The following UBXN7 variants were observed in gnomAD, a reference collection of about 807,000 sequenced individuals.
UBXN7 encodes the protein UBX domain-containing protein 7.
In UBXN7, 9 loss-of-function variants were observed where a neutral mutation model predicts 58.0. The observed-to-expected ratio is 0.16, with a 90% CI of 0.09 to 0.27. The LOEUF is 0.27. Among genes scored for constraint, UBXN7 ranks in the 10% least tolerant of loss-of-function variants. The pLI, the probability that UBXN7 is intolerant of heterozygous loss-of-function variation, is 1.00. For synonymous variants in UBXN7, 208 were observed against 205.0 expected (o/e 1.01, Z -0.12); for missense variants, 328 against 599.6 (o/e 0.55, Z 4.73).
At chr3:196,375,579 A>G (rs558408071) in intron 5 of UBXN7, among the ~76,000 whole-genome samples, 26 of 152,206 alleles carry the variant, frequency 1.7e-4, no homozygotes, top group Non-Finnish European at 3.7e-4. Flanking sequence ...TAATCTCCTC[A>G]TGGAAGATTA....
intron 5 of UBXN7, among the ~76,000 whole-genome samples, chr3:196,381,254 G>T (rs142216724): frequency 6.6e-6 from 1 of 152,154 alleles, no homozygotes; most frequent in Non-Finnish European, 1.5e-5. Context: ...TCATACAGGC[G>T]GCTGCCCCTC....
chr3:196,421,358 T>A (rs1730677189), intron 1 of UBXN7, among the ~76,000 whole-genome samples: 1 of 152,234 alleles, frequency 6.6e-6, no homozygotes, highest in Non-Finnish European at 1.5e-5. Context: ...TATCTCTTAC[T>A]AGTCTGTGAC....
chr3:196,390,821 C>G (rs1053260691), intron 5 of UBXN7, among the ~76,000 whole-genome samples: 6 of 151,612 alleles, frequency 4.0e-5, no homozygotes, highest in African/African-American at 1.5e-4. Flanking sequence ...ACATGTTAAT[C>G]AACACGAAAA....
chr3:196,382,717 C>G (rs1729243854), intron 5 of UBXN7, among the ~76,000 whole-genome samples: 1 of 152,116 alleles, frequency 6.6e-6, no homozygotes, highest in Admixed American at 6.5e-5. Flanking sequence ...AGTTAAGACC[C>G]ATCAGTGTGC....
chr3:196,398,150 C>A (rs1429756445), intron 3 of UBXN7, among the ~76,000 whole-genome samples: 1 of 152,170 alleles, frequency 6.6e-6, no homozygotes, highest in African/African-American at 2.4e-5. Context: ...AGAATGGATG[C>A]CCCCAGGCAA....
chr3:196,361,949 A>C (rs753017615), intron 9 of UBXN7, 26 bp from the exon 10 acceptor site: 6 of 1,597,022 alleles, frequency 3.8e-6, no homozygotes, highest in Non-Finnish European at 2.6e-6. Context: ...AAAAAAAAAA[A>C]AAAAACGGGA....
intron 1 of UBXN7, among the ~76,000 whole-genome samples, chr3:196,429,165 A>C (rs1730942733): frequency 6.6e-6 from 1 of 152,108 alleles, no homozygotes; most frequent in African/African-American, 2.4e-5. Context: ...GTCTCTACTA[A>C]AAATACAAAA....
chr3:196,385,485 G>A lies in UBXN7; in HGVS notation c.468+6328C>T, dbSNP rs540642997. Among the ~76,000 whole-genome samples the A allele has an allele frequency of 1.5e-4, 22 of 150,850 alleles. No individual in the cohort carries two copies. In the South Asian group the frequency reaches 1.9e-3, roughly 13 times the overall value. ...TCATCCCATCTAGGAAGTGAGGAGCGTCTCTGCCCAGCCACCCATCGTCTG... is the reference window on the plus strand; with the variant it reads ...TCATCCCATCTAGGAAGTGAGGAGCATCTCTGCCCAGCCACCCATCGTCTG... On this transcript the variant is annotated intron_variant, in intron 5 of 10. Coordinates refer to ENST00000296328, the MANE Select transcript of UBXN7 (RefSeq NM_015562.2).
chr3:196,420,946 A>G (rs1418100665), intron 1 of UBXN7, among the ~76,000 whole-genome samples: 1 of 152,184 alleles, frequency 6.6e-6, no homozygotes, highest in Non-Finnish European at 1.5e-5. Flanking sequence ...ATCCCTCTAT[A>G]GAAATGATAG....
Position 196,352,964 on chromosome 3 carries a change from C to T in UBXN7, c.*3721G>A, listed in dbSNP as rs952318916. 2.6e-5 allele frequency: 4 copies of T among 152,144 alleles called. No individual in the cohort carries two copies. In the South Asian group the frequency reaches 6.2e-4, roughly 24 times the overall value. The allele number at this position is 152,144 out of a possible 1,614,324, so 9.4% of individuals were successfully genotyped here. ...CATTTATTCTTGGCAAATAATGCCA[C>T]GTGGCAATTTTACTTTCACATCTTC... On this transcript the variant is annotated 3_prime_UTR_variant, in exon 11 of 11. Transcript: ENST00000296328. The surrounding 1 kb of genome is among the most constrained non-coding windows in gnomAD (Gnocchi z 4.1).
In UBXN7 at chr3:196,393,924, T is replaced by C. The variant is rs527773965; in HGVS notation, c.290-305A>G. ...GTATAATTAATCCAAACATCTTCCATCCAGTCATCTTGTATTACAAATGAG... is the reference window on the plus strand; with the variant it reads ...GTATAATTAATCCAAACATCTTCCACCCAGTCATCTTGTATTACAAATGAG... On this transcript the variant is annotated intron_variant, in intron 3 of 10. Coordinates refer to ENST00000296328, the MANE Select transcript of UBXN7 (RefSeq NM_015562.2). 10 of 186,054 alleles carry C rather than the reference T, an allele frequency of 5.4e-5. No individual in the cohort carries two copies. The East Asian group carries it at 1.1e-3, about 20-fold the overall frequency. 11.5% of individuals were successfully genotyped at this position (186,054 alleles called of 1,614,324 possible). A position where few individuals can be genotyped will look rare whatever the true frequency, so the allele number is the denominator to read the frequency against.
At chr3:196,364,144 A>C (rs970879010) in intron 8 of UBXN7, among the ~76,000 whole-genome samples, 1 of 152,196 alleles carries the variant, frequency 6.6e-6, no homozygotes, top group African/African-American at 2.4e-5. Context: ...AGAAATGCAA[A>C]CTTCTACAGT....
chr3:196,431,396 G>A (rs1731042065), intron 1 of UBXN7: 1 of 152,400 alleles, frequency 6.6e-6, no homozygotes, highest in South Asian at 2.0e-4. Context: ...AGAGAAACAA[G>A]ACAGAGAGAA....
intron 1 of UBXN7, among the ~76,000 whole-genome samples, chr3:196,422,898 C>T (rs1049113488): frequency 6.6e-6 from 1 of 152,216 alleles, no homozygotes; most frequent in Non-Finnish European, 1.5e-5. Flanking sequence ...TACAACCATA[C>T]AATGGTATAC....
rs1577424750 is a variant in UBXN7, at chr3:196,351,548, G to C, written c.*5137C>G. ...ACCAGCACACTTTTAATTAGCCTAG[G>C]GATAATACGCAATCACGGGGAGAGA... On this transcript the variant is annotated 3_prime_UTR_variant, in exon 11 of 11. Transcript: ENST00000296328. The C allele has an allele frequency of 6.6e-6, 1 of 152,094 alleles. No individual in the cohort carries two copies. The highest frequency in any genetic ancestry group is 1.5e-5 in the Non-Finnish European group (1 of 68,024). 9.4% of individuals were successfully genotyped at this position (152,094 alleles called of 1,614,324 possible). A position where few individuals can be genotyped will look rare whatever the true frequency, so the allele number is the denominator to read the frequency against.
At chr3:196,412,544 C>G (rs1431555228) in intron 1 of UBXN7, among the ~76,000 whole-genome samples, 1 of 152,076 alleles carries the variant, frequency 6.6e-6, no homozygotes, top group Admixed American at 6.6e-5. Context: ...AAGCTAACAA[C>G]AGAATATGAT....
intron 1 of UBXN7, among the ~76,000 whole-genome samples, chr3:196,420,933 A>G (rs1730662468): frequency 1.3e-5 from 2 of 152,162 alleles, no homozygotes; most frequent in African/African-American, 4.8e-5. Flanking sequence ...AACAATCATC[A>G]TCATCCCTCT....
rs1449579413 is a variant in UBXN7 at position 196,354,556 on chromosome 3, T to A, written c.*2129A>T. 1 of 152,252 alleles carries A rather than the reference T, an allele frequency of 6.6e-6. No homozygotes were observed. Among genetic ancestry groups the A allele is most frequent in the Non-Finnish European group, 1.5e-5 (1 of 68,068 alleles). The allele number at this position is 152,252 out of a possible 1,614,324, so 9.4% of individuals were successfully genotyped here. A position where few individuals can be genotyped will look rare whatever the true frequency, so the allele number is the denominator to read the frequency against. The stretch of plus-strand genomic sequence containing the variant: ...AAACCTCTCTTCTTACCCTGTGCCC[T>A]CCCTGAATTTTTGGATTTCTGAGCT... On this transcript the variant is annotated 3_prime_UTR_variant, in exon 11 of 11. Coordinates refer to ENST00000296328, the MANE Select transcript of UBXN7 (RefSeq NM_015562.2).
chr3:196,368,058 A>G lies in UBXN7; in HGVS notation c.804T>C (p.Ser268=). The change falls in exon 8 of 11, where the codon TCT becomes TCC. Residue 268 remains serine (S), a synonymous_variant. Coordinates refer to ENST00000296328, the MANE Select transcript of UBXN7 (RefSeq NM_015562.2). The part of the protein sequence containing the change: ...LGEHGQLDGL[S]SSPPKKCARS... ...GGGCACATTTTTTGGGGGGACTGCT[A>G]GAAAGTCCATCCAGTTGTCCATGTT... The G allele has an allele frequency of 6.2e-7, 1 of 1,614,010 alleles. No individual in the cohort carries two copies. Among genetic ancestry groups the G allele is most frequent in the Non-Finnish European group, 8.5e-7 (1 of 1,179,940 alleles).
Sources: allele counts gnomAD v4.1 joint callset (sites outside exome capture counted in the v4.1 genomes callset), GRCh38; gene constraint gnomAD v4.1.1; non-coding constraint Gnocchi (gnomAD v3.1); transcripts MANE v1.5; gene names NCBI Gene and HGNC (gene_info 2026-07-23, HGNC 2026-07-21).